The following PDLIM3 variants were observed in gnomAD, a reference collection of about 807,000 sequenced individuals.
PDLIM3 encodes PDZ and LIM domain 3.
Under a neutral mutation model 37.3 loss-of-function variants are expected in PDLIM3, and 36 were observed. The observed-to-expected ratio is 0.97, with a 90% CI of 0.74 to 1.28. PDLIM3 has a LOEUF of 1.28. Among genes scored for constraint, PDLIM3 ranks in the 50% most tolerant of loss-of-function variants. The probability of loss-of-function intolerance (pLI) is 0.00; values close to 1 mark genes in which losing one functional copy is unlikely to be tolerated. For synonymous variants in PDLIM3, 174 were observed against 182.4 expected, an observed-to-expected ratio of 0.95 and a Z score of 0.37; for missense variants, 454 against 485.0, an observed-to-expected ratio of 0.94 and a Z score of 0.60.
chr4:185,532,553 G>GAAAT (rs1260040407), intron 1 of PDLIM3, among the ~76,000 whole-genome samples: 1 of 152,206 alleles, frequency 6.6e-6, no homozygotes, highest in Non-Finnish European at 1.5e-5. Flanking sequence ...ACACGTCAGG[G>GAAAT]AAATCGTAAG....
intron 1 of PDLIM3, among the ~76,000 whole-genome samples, chr4:185,528,013 C>A (rs1002886959): frequency 6.6e-6 from 1 of 152,066 alleles, no homozygotes; most frequent in Non-Finnish European, 1.5e-5. Context: ...ATGATTGCAC[C>A]ACTGCACGCC....
chr4:185,510,066 T>C (rs2153333663), intron 4 of PDLIM3, among the ~76,000 whole-genome samples: 1 of 152,308 alleles, frequency 6.6e-6, no homozygotes, highest in Non-Finnish European at 1.5e-5. Flanking sequence ...CATACCAAAA[T>C]ATCAAGTGGC....
chr4:185,506,376 C>G, intron 6 of PDLIM3, 146 bp downstream of exon 6: 1 of 1,053,850 alleles, frequency 9.5e-7, no homozygotes, highest in South Asian at 1.3e-5. Flanking sequence ...CCATCCATAT[C>G]CTATCCTTCT....
rs757182059 is a variant in PDLIM3 at position 185,535,417 on chromosome 4, G to A, written c.18C>T (p.Ile6=). 8 of 1,602,230 alleles carry A rather than the reference G, an allele frequency of 5.0e-6. No homozygotes were observed. In the Admixed American group the frequency reaches 6.8e-5, roughly 14 times the overall value. Reference sequence around the variant, plus strand: ...AGCCCCAGGGCGCAGGGCCCGGGAGGATCACCGTCTGGGGCATGCCGCCTT... The same window carrying A: ...AGCCCCAGGGCGCAGGGCCCGGGAGAATCACCGTCTGGGGCATGCCGCCTT... The part of the protein sequence containing the change: MPQTV[I]LPGPAPWGFR... Residue 6 remains isoleucine, a synonymous_variant, in exon 1 of 8, where the codon ATC becomes ATT. Coordinates refer to ENST00000284767, the MANE Select transcript of PDLIM3 (RefSeq NM_014476.6).
In PDLIM3 at chr4:185,514,031, T is replaced by C; in HGVS notation, c.398+239A>G. The C allele has an allele frequency of 1.4e-6, 2 of 1,399,084 alleles. No homozygotes were observed. The highest frequency in any genetic ancestry group is 2.2e-4 in the Middle Eastern group (1 of 4,594). The allele number at this position is 1,399,084 out of a possible 1,614,324, so 86.7% of individuals were successfully genotyped here. A position where few individuals can be genotyped will look rare whatever the true frequency, so the allele number is the denominator to read the frequency against. On this transcript the variant is annotated intron_variant, in intron 4 of 7. Transcript: ENST00000284767. This position sits in a 1 kb window ranked among gnomAD's most constrained non-coding sequence, Gnocchi z 4.0. Reference sequence around the variant, plus strand: ...GAGCCTCAGGGGTGTTCGCTATAAATACACGTGGTGATTGCATACAATTTC... The same window carrying C: ...GAGCCTCAGGGGTGTTCGCTATAAACACACGTGGTGATTGCATACAATTTC...
rs187351154 is a variant in PDLIM3, at chr4:185,502,150, A to G, written c.*144T>C. The stretch of plus-strand genomic sequence containing the variant: ...ATTTGCCTCCCATTCCTTTTCCTCA[A>G]TAAACAATAGGATAAAGGTCTAAAG... On this transcript the variant is annotated 3_prime_UTR_variant, in exon 8 of 8. Coordinates refer to ENST00000284767, the MANE Select transcript of PDLIM3 (RefSeq NM_014476.6). 1.5e-4 allele frequency: 126 copies of G among 864,510 alleles called. No individual in the cohort carries two copies. The highest frequency in any genetic ancestry group is 3.4e-4 in the Admixed American group (17 of 49,580). The allele number at this position is 864,510 out of a possible 1,614,324, so 53.6% of individuals were successfully genotyped here.
At position 185,514,231 on chromosome 4, in the gene PDLIM3, A is replaced by C. The variant is rs1441740398; in HGVS notation, c.398+39T>G. The C allele has an allele frequency of 1.2e-6, 2 of 1,614,180 alleles. No individual in the cohort carries two copies. The highest frequency in any genetic ancestry group is 1.7e-6 in the Non-Finnish European group (2 of 1,180,016). On this transcript the variant is annotated intron_variant, in intron 4 of 7. Coordinates refer to ENST00000284767, the MANE Select transcript of PDLIM3 (RefSeq NM_014476.6). The surrounding 1 kb of genome is among the most constrained non-coding windows in gnomAD (Gnocchi z 4.0). Reference sequence around the variant, plus strand: ...ATGATTAGTAAGAACTGATTTAAGAAGCATGCACTGCAAACTCCACAGTCT... The same window carrying C: ...ATGATTAGTAAGAACTGATTTAAGACGCATGCACTGCAAACTCCACAGTCT...
In PDLIM3 at chr4:185,508,521, C is replaced by T. The variant is rs528843301; in HGVS notation, c.440G>A (p.Arg147His). Residue 147 changes from arginine to histidine, a missense_variant, in exon 5 of 8, where the codon CGC becomes CAC. Physicochemically the swap from Arg to His is conservative, Grantham distance 29 (BLOSUM62 0). Transcript: ENST00000284767. ...AGTACTGACAGAAGAAGGGGTGCTG[C>T]GTCCACTGCCACAGTCAATCCCGGA... ...TPSGIDCGSG[R>H]STPSSVSTVS... 26 of 1,614,066 alleles carry T rather than the reference C, an allele frequency of 1.6e-5. No homozygotes were observed. Among genetic ancestry groups the T allele is most frequent in the African/African-American group, 2.7e-5 (2 of 75,046 alleles).
At chr4:185,503,675 C>T (rs2095691407) in intron 7 of PDLIM3, among the ~76,000 whole-genome samples, 1 of 152,208 alleles carries the variant, frequency 6.6e-6, no homozygotes, top group Admixed American at 6.5e-5. Context: ...CTGCCGGGCA[C>T]GGTGGCTCAC....
intron 7 of PDLIM3, among the ~76,000 whole-genome samples, chr4:185,503,141 G>A (rs911152126): frequency 6.6e-6 from 1 of 152,088 alleles, no homozygotes; most frequent in Non-Finnish European, 1.5e-5. Flanking sequence ...GGAGAATGGT[G>A]TGAACCCGGG....
At chr4:185,505,343 G>T (rs2095694887) in intron 6 of PDLIM3, among the ~76,000 whole-genome samples, 1 of 152,244 alleles carries the variant, frequency 6.6e-6, no homozygotes, top group Non-Finnish European at 1.5e-5. Flanking sequence ...TGGCATACAG[G>T]CTGGGCGTGG....
chr4:185,502,284 C>T lies in PDLIM3; in HGVS notation c.*10G>A. 6.2e-7 allele frequency: 1 copy of T among 1,613,578 alleles called. No individual in the cohort carries two copies. The highest frequency in any genetic ancestry group is 8.5e-7 in the Non-Finnish European group (1 of 1,179,500). ...GTGGGTGCGTGCGTGCGTGCCACGCCTGCAGAGACTTAAGCTTTGGGATAC... is the reference window on the plus strand; with the variant it reads ...GTGGGTGCGTGCGTGCGTGCCACGCTTGCAGAGACTTAAGCTTTGGGATAC... On this transcript the variant is annotated 3_prime_UTR_variant, in exon 8 of 8. Transcript: ENST00000284767.
chr4:185,506,355 T>C (rs1580236130), intron 6 of PDLIM3, among the ~76,000 whole-genome samples, 167 bp downstream of exon 6: 1 of 152,342 alleles, frequency 6.6e-6, no homozygotes, highest in South Asian at 2.1e-4. Context: ...TCTCCTTTTT[T>C]AAACGAGGCA....
At chr4:185,517,671 G>A (rs1398240725) in intron 3 of PDLIM3, 2 of 151,072 alleles carry the variant, frequency 1.3e-5, no homozygotes, top group Non-Finnish European at 2.9e-5. Flanking sequence ...TCACAAATGT[G>A]TAATTTGTTA....
At chr4:185,517,613 G>A (rs973198067) in intron 3 of PDLIM3, 6 of 151,462 alleles carry the variant, frequency 4.0e-5, no homozygotes, top group African/African-American at 1.5e-4. Context: ...TCAGCTCCAA[G>A]CAATTTCTTT....
In PDLIM3 at chr4:185,514,095, G is replaced by A; in HGVS notation, c.398+175C>T. On this transcript the variant is annotated intron_variant, in intron 4 of 7. Coordinates refer to ENST00000284767, the MANE Select transcript of PDLIM3 (RefSeq NM_014476.6). The surrounding 1 kb of genome is among the most constrained non-coding windows in gnomAD (Gnocchi z 4.0). ...CTTGTCAATATTTACTCTTGGAAAT[G>A]CAAGTTATTTGGCTTCTGTTCTCTG... 1 of 1,499,972 alleles carries A rather than the reference G, an allele frequency of 6.7e-7. No individual in the cohort carries two copies. The highest frequency in any genetic ancestry group is 1.3e-5 in the South Asian group (1 of 78,014). 92.9% of individuals were successfully genotyped at this position (1,499,972 alleles called of 1,614,324 possible). A position where few individuals can be genotyped will look rare whatever the true frequency, so the allele number is the denominator to read the frequency against.
intron 1 of PDLIM3, among the ~76,000 whole-genome samples, chr4:185,528,887 G>A (rs949371651): frequency 6.6e-6 from 1 of 152,128 alleles, no homozygotes; most frequent in Non-Finnish European, 1.5e-5. Flanking sequence ...TAAGTTAAAC[G>A]ATCTGTTTTC....
intron 1 of PDLIM3, among the ~76,000 whole-genome samples, chr4:185,532,072 T>C (rs1385198820): frequency 9.2e-5 from 14 of 152,184 alleles, no homozygotes; most frequent in African/African-American, 3.4e-4. Flanking sequence ...CACTCCAGCC[T>C]GGGAGACAGA....
intron 1 of PDLIM3, among the ~76,000 whole-genome samples, chr4:185,531,854 T>G (rs780636597): frequency 1.4e-5 from 2 of 147,224 alleles, no homozygotes; most frequent in African/African-American, 2.5e-5. Context: ...TTTGGGAAGC[T>G]GAGGTGGGCG....
Sources: gnomAD v4.1 joint callset for allele counts (sites outside exome capture counted in the v4.1 genomes callset) on GRCh38, gnomAD v4.1.1 for gene constraint, Gnocchi (gnomAD v3.1) non-coding constraint, MANE v1.5 for transcripts, NCBI Gene and HGNC (gene_info 2026-07-23, HGNC 2026-07-21) for gene names.